Variants in MAGI1 observed in about 807,000 individuals in gnomAD.
The protein encoded by MAGI1 is membrane associated guanylate kinase, WW and PDZ domain containing 1.
In MAGI1, 58 loss-of-function variants were observed where a neutral mutation model predicts 139.9. The ratio of observed to expected loss-of-function variants is 0.41; its 90% CI spans 0.34 to 0.52. The LOEUF (loss-of-function observed/expected upper bound fraction) is 0.52. Ranked by LOEUF, MAGI1 falls within the 20% of genes least tolerant of loss-of-function variation. MAGI1 has a pLI of 0.12. For missense variants in MAGI1, 1,874 were observed against 1,901.6 expected (o/e 0.99, Z 0.27); for synonymous variants, 812 against 737.9 (o/e 1.10, Z -1.63).
chr3:65,600,017 C>T (rs570534711), intron 2 of MAGI1, among the ~76,000 whole-genome samples: 7 of 152,260 alleles, frequency 4.6e-5, no homozygotes, highest in African/African-American at 1.4e-4. Context: ...ATAATACATA[C>T]GAGCATTTAC....
intron 1 of MAGI1, among the ~76,000 whole-genome samples, chr3:65,933,265 T>C (rs2062887398): frequency 6.6e-6 from 1 of 152,208 alleles, no homozygotes. Flanking sequence ...AGGAACAGTT[T>C]AGTTCGTGGC....
At chr3:65,716,787 G>A (rs949042644) in intron 1 of MAGI1, among the ~76,000 whole-genome samples, 5 of 152,092 alleles carry the variant, frequency 3.3e-5, no homozygotes, top group Non-Finnish European at 5.9e-5. Flanking sequence ...TAGGTGCTAG[G>A]GGTTTTAAAA....
At chr3:65,563,368 C>T (rs981677981) in intron 2 of MAGI1, among the ~76,000 whole-genome samples, 27 of 152,176 alleles carry the variant, frequency 1.8e-4, no homozygotes, top group Non-Finnish European at 3.7e-4. Context: ...TTCTTGCCCC[C>T]AGGTGTTCAA....
chr3:65,486,359 A>G (rs1393371071), intron 3 of MAGI1, among the ~76,000 whole-genome samples: 1 of 152,198 alleles, frequency 6.6e-6, no homozygotes, highest in East Asian at 1.9e-4. Context: ...GCATTTGTAA[A>G]ACAGCCATGT....
intron 1 of MAGI1, among the ~76,000 whole-genome samples, chr3:65,878,406 C>T (rs2060198852): frequency 6.6e-6 from 1 of 151,334 alleles, no homozygotes; most frequent in Non-Finnish European, 1.5e-5. Flanking sequence ...ATCCCAGCTA[C>T]TTGGGAGGCT....
intron 13 of MAGI1, 63 bp from the exon 14 acceptor site, chr3:65,391,421 C>A: frequency 1.4e-6 from 2 of 1,388,114 alleles, no homozygotes; most frequent in Admixed American, 1.8e-5. Flanking sequence ...TGAATGGGTG[C>A]TTTCCACCAG....
At chr3:65,987,755 G>T (rs191009406) in intron 1 of MAGI1, among the ~76,000 whole-genome samples, 43 of 151,380 alleles carry the variant, frequency 2.8e-4, no homozygotes, top group African/African-American at 1.0e-3. Context: ...TTTTTGTAGG[G>T]ATGGGGTTTC....
intron 1 of MAGI1, among the ~76,000 whole-genome samples, chr3:65,699,652 T>C (rs1048764629): frequency 1.4e-4 from 21 of 145,846 alleles, no homozygotes; most frequent in Non-Finnish European, 2.5e-4. Flanking sequence ...CCTCATATGC[T>C]CACTCATAGG....
intron 2 of MAGI1, among the ~76,000 whole-genome samples, chr3:65,617,032 C>T (rs1026674943): frequency 6.6e-6 from 1 of 152,170 alleles, no homozygotes; most frequent in Non-Finnish European, 1.5e-5. Flanking sequence ...ATAGCAGATG[C>T]TAAAATGCCC....
At chr3:65,862,248 A>G (rs1019054218) in intron 1 of MAGI1, among the ~76,000 whole-genome samples, 1 of 152,170 alleles carries the variant, frequency 6.6e-6, no homozygotes, top group Non-Finnish European at 1.5e-5. Flanking sequence ...AAGCTACCCC[A>G]TAAGCTCAGT....
At chr3:65,691,906 C>G (rs1459144334) in intron 1 of MAGI1, among the ~76,000 whole-genome samples, 1 of 152,150 alleles carries the variant, frequency 6.6e-6, no homozygotes, top group African/African-American at 2.4e-5. Flanking sequence ...TCTCACAAAA[C>G]CTAAAATCCT....
chr3:65,388,833 A>AG (rs1559515585), intron 14 of MAGI1, among the ~76,000 whole-genome samples: 1 of 101,928 alleles, frequency 9.8e-6, no homozygotes, highest in East Asian at 3.2e-4. Context: ...CACCATTCCG[A>AG]ATTTTTTTTT....
intron 1 of MAGI1, among the ~76,000 whole-genome samples, chr3:65,932,717 T>A (rs1275964649): frequency 6.6e-6 from 1 of 151,970 alleles, no homozygotes; most frequent in African/African-American, 2.4e-5. Context: ...ACCTCGTAGA[T>A]GGAAAATCAG....
At chr3:65,742,739 T>C (rs530785745) in intron 1 of MAGI1, among the ~76,000 whole-genome samples, 4 of 152,348 alleles carry the variant, frequency 2.6e-5, no homozygotes, top group Non-Finnish European at 2.9e-5. Context: ...CTAAGACTCA[T>C]ATCTGATTTC....
intron 1 of MAGI1, chr3:65,717,325 A>T (rs1050252201): frequency 6.6e-6 from 1 of 152,192 alleles, no homozygotes; most frequent in African/African-American, 2.4e-5. Context: ...TGATGATCAC[A>T]ACTAGGGTTG....
chr3:65,417,043 C>G (rs1372791456), intron 12 of MAGI1, among the ~76,000 whole-genome samples: 1 of 152,166 alleles, frequency 6.6e-6, no homozygotes, highest in Non-Finnish European at 1.5e-5. Context: ...ATGGTAAACT[C>G]TGTCTCAGAT....
At chr3:65,656,963 C>A in intron 1 of MAGI1, among the ~76,000 whole-genome samples, 1 of 112,582 alleles carries the variant, frequency 8.9e-6, no homozygotes, top group African/African-American at 3.5e-5. Context: ...CTGGGTGACA[C>A]AGGAGGACAC....
chr3:65,523,415 G>A (rs1327594813), intron 2 of MAGI1, among the ~76,000 whole-genome samples: 1 of 151,430 alleles, frequency 6.6e-6, no homozygotes, highest in Non-Finnish European at 1.5e-5. Flanking sequence ...AAAAGGAAGA[G>A]AGGGAGGCGA....
Position 66,038,279 on chromosome 3 carries a change from G to C in MAGI1, c.30C>G (p.His10Gln). Residue 10 changes from histidine (H) to glutamine (Q), a missense_variant, in exon 1 of 23, where the codon CAC (histidine) becomes CAG (glutamine). His to Gln is a conservative substitution (Grantham distance 24, BLOSUM62 0). Transcript: ENST00000402939. Reference sequence around the variant, plus strand: ...TGCATTCGTGAACCCTGCTAGTCCAGTGGTTCTTCTTCTGGATCACTTTGG... The same window carrying C: ...TGCATTCGTGAACCCTGCTAGTCCACTGGTTCTTCTTCTGGATCACTTTGG... MSKVIQKKN[H>Q]WTSRVHECTV... 6.3e-7 allele frequency: 1 copy of C among 1,598,838 alleles called. No homozygotes were observed. Among genetic ancestry groups the C allele is most frequent in the Non-Finnish European group, 8.5e-7 (1 of 1,171,938 alleles).
Sources: allele counts gnomAD v4.1 joint callset (sites outside exome capture counted in the v4.1 genomes callset), GRCh38; gene constraint gnomAD v4.1.1; transcripts MANE v1.5; gene names NCBI Gene and HGNC (gene_info 2026-07-23, HGNC 2026-07-21).